PRKAB2: variants seen among roughly 807,000 people sequenced by gnomAD.
The protein encoded by PRKAB2 is 5'-AMP-activated protein kinase subunit beta-2.
PRKAB2 carries 18 observed loss-of-function variants against 29.8 expected under a neutral mutation model. The ratio of observed to expected loss-of-function variants is 0.60; its 90% CI spans 0.42 to 0.89. The LOEUF is 0.89. PRKAB2 is among the 40% of genes least tolerant of loss of function. The pLI, the probability that PRKAB2 is intolerant of heterozygous loss-of-function variation, is 0.00. For missense variants in PRKAB2, 270 were observed against 344.3 expected (o/e 0.78, Z 1.71); for synonymous variants, 136 against 125.9 (o/e 1.08, Z -0.54).
At chr1:147,167,662 G>C in intron 3 of PRKAB2, 105 bp downstream of exon 3, 1 of 1,347,778 alleles carries the variant, frequency 7.4e-7, no homozygotes, top group South Asian at 1.4e-5. Flanking sequence ...ATGTTCTAGA[G>C]ACAGTCCTTA....
rs1406014675 is a variant in PRKAB2 at position 147,158,088 on chromosome 1, A to C, written c.*1477T>G. 1 of 152,070 alleles carries C rather than the reference A, an allele frequency of 6.6e-6. No individual in the cohort carries two copies. Among genetic ancestry groups the C allele is most frequent in the Non-Finnish European group, 1.5e-5 (1 of 68,004 alleles). The allele number at this position is 152,070 out of a possible 1,614,324, so 9.4% of individuals were successfully genotyped here. A position where few individuals can be genotyped will look rare whatever the true frequency, so the allele number is the denominator to read the frequency against. On this transcript the variant is annotated 3_prime_UTR_variant, in exon 8 of 8. Transcript: ENST00000254101. ...ATTCATCAACAGTTTAGCCTCCTTT[A>C]GTGTTGATTATTTGACTTATCTGCA...
chr1:147,169,321 T>C (rs1654402176), intron 2 of PRKAB2, among the ~76,000 whole-genome samples: 2 of 151,990 alleles, frequency 1.3e-5, no homozygotes, highest in Admixed American at 6.6e-5. Context: ...CCAAAGTAAA[T>C]AGAGAAAGAG....
chr1:147,163,337 C>T (rs1553913287), intron 5 of PRKAB2, among the ~76,000 whole-genome samples: 1 of 152,208 alleles, frequency 6.6e-6, no homozygotes, highest in Non-Finnish European at 1.5e-5. Context: ...CAGCATTATA[C>T]ACTGGGTATA....
In PRKAB2 at chr1:147,171,266, C is replaced by T. The variant is rs146429917; in HGVS notation, c.156+723G>A. Among the ~76,000 whole-genome samples, 8 of 152,216 alleles carry T rather than the reference C, an allele frequency of 5.3e-5. No individual in the cohort carries two copies. The East Asian group carries it at 9.7e-4, about 18-fold the overall frequency. On this transcript the variant is annotated intron_variant, in intron 2 of 7. Transcript: ENST00000254101. ...CTGTGGGTTGTCGTTTTTTTAGCCACGCAACATTTTGAAGTACTACTGAGG... is the reference window on the plus strand; with the variant it reads ...CTGTGGGTTGTCGTTTTTTTAGCCATGCAACATTTTGAAGTACTACTGAGG...
intron 5 of PRKAB2, among the ~76,000 whole-genome samples, chr1:147,163,501 T>C (rs587773057): frequency 1.3e-5 from 2 of 152,212 alleles, no homozygotes; most frequent in Non-Finnish European, 2.9e-5. Context: ...AATGGGCTCT[T>C]ATTCAGCCAT....
At chr1:147,163,766 T>A (rs1375320563) in intron 5 of PRKAB2, among the ~76,000 whole-genome samples, 3 of 152,160 alleles carry the variant, frequency 2.0e-5, no homozygotes, top group Admixed American at 6.5e-5. Flanking sequence ...AATTAGATAG[T>A]TGTGATAATC....
intron 7 of PRKAB2, among the ~76,000 whole-genome samples, chr1:147,160,296 G>T (rs1653892100): frequency 6.6e-6 from 1 of 152,028 alleles, no homozygotes; most frequent in Admixed American, 6.5e-5. Context: ...CAATATGAGA[G>T]AATCAGGAAT....
At chr1:147,166,144 T>C (rs1464195241) in intron 5 of PRKAB2, among the ~76,000 whole-genome samples, 1 of 152,210 alleles carries the variant, frequency 6.6e-6, no homozygotes, top group African/African-American at 2.4e-5. Flanking sequence ...GTATCGCCTC[T>C]GCTGGGTAAT....
chr1:147,161,675 C>A, intron 7 of PRKAB2, 37 bp downstream of exon 7: 1 of 1,548,266 alleles, frequency 6.5e-7, no homozygotes, highest in Non-Finnish European at 8.9e-7. Flanking sequence ...ACCTCTCATT[C>A]CAGGGAGCTC....
intron 2 of PRKAB2, among the ~76,000 whole-genome samples, chr1:147,169,637 G>A (rs782588367): frequency 5.3e-5 from 8 of 152,136 alleles, no homozygotes; most frequent in Non-Finnish European, 7.4e-5. Flanking sequence ...AATAATACTT[G>A]ATATAATATC....
At chr1:147,166,672 C>T in intron 4 of PRKAB2, 54 bp from the exon 5 acceptor site, 1 of 1,598,852 alleles carries the variant, frequency 6.3e-7, no homozygotes, top group South Asian at 1.1e-5. Flanking sequence ...TCCATCTCTT[C>T]CATCCAACCT....
At chr1:147,163,408 G>T (rs1553913299) in intron 5 of PRKAB2, among the ~76,000 whole-genome samples, 1 of 152,162 alleles carries the variant, frequency 6.6e-6, no homozygotes. Flanking sequence ...GTTCATAATA[G>T]CATTATTTAT....
At position 147,166,632 on chromosome 1, in the gene PRKAB2, T is replaced by G; in HGVS notation, c.418-14A>C. 4 of 1,606,224 alleles carry G rather than the reference T, an allele frequency of 2.5e-6. No homozygotes were observed. Among genetic ancestry groups the G allele is most frequent in the Non-Finnish European group, 3.4e-6 (4 of 1,177,618 alleles). On this transcript the variant is annotated splice_polypyrimidine_tract_variant and intron_variant, in intron 4 of 7. Coordinates refer to ENST00000254101, the MANE Select transcript of PRKAB2 (RefSeq NM_005399.5). The stretch of plus-strand genomic sequence containing the variant: ...GGTAACCACAGGCTGAAACAGTGAA[T>G]AGAAAAAATTATTGAATCTCTCTTT...
chr1:147,172,187 C>A lies in PRKAB2; in HGVS notation c.-23-20G>T. On this transcript the variant is annotated intron_variant, in intron 1 of 7. Coordinates refer to ENST00000254101, the MANE Select transcript of PRKAB2 (RefSeq NM_005399.5). ...GACCACCTACCGCGGGGAACGACAC[C>A]GGGCTGGGAACACCTCAGCCGCCGC... 1 of 1,511,290 alleles carries A rather than the reference C, an allele frequency of 6.6e-7. No homozygotes were observed. The highest frequency in any genetic ancestry group is 8.8e-7 in the Non-Finnish European group (1 of 1,130,294). The allele number at this position is 1,511,290 out of a possible 1,614,324, so 93.6% of individuals were successfully genotyped here.
intron 5 of PRKAB2, among the ~76,000 whole-genome samples, chr1:147,164,185 C>T (rs1470466203): frequency 1.3e-5 from 2 of 152,102 alleles, no homozygotes; most frequent in African/African-American, 4.8e-5. Context: ...GTGATCCTCC[C>T]ACTTCGGCCT....
At position 147,166,526 on chromosome 1, in the gene PRKAB2, A is replaced by G; in HGVS notation, c.510T>C (p.Ser170=). The G allele has an allele frequency of 6.2e-7, 1 of 1,613,944 alleles. No individual in the cohort carries two copies. ...TACAAGATGTCTCAGAACTTTCCAT[A>G]GAATCTAACTTTAAAGCATCGAACA... ...FEVFDALKLD[S]MESSETSCRD... is the part of the protein sequence containing the mutation. The change falls in exon 5 of 8, where the codon TCT becomes TCC. Residue 170 remains serine (S), a synonymous_variant. Transcript: ENST00000254101.
chr1:147,166,602 T>A lies in PRKAB2; in HGVS notation c.434A>T (p.Gln145Leu). The change falls in exon 5 of 8, where the codon CAG becomes CTG. Residue 145 changes from glutamine to leucine, a missense_variant. By Grantham distance (113) the Gln-to-Leu change is moderately radical (BLOSUM62 -2). This residue lies in a region of PRKAB2 where 228 missense variants were observed against 255.5 expected (regional missense o/e 0.89). Coordinates refer to ENST00000254101, the MANE Select transcript of PRKAB2 (RefSeq NM_005399.5). ...GATCAAATTGTTAATTGTGCCAAGC[T>A]GACTGGTAACCACAGGCTGAAACAG... Reference protein sequence around the residue: ...HDPSEPVVTSQLGTINNLIHV... With the variant: ...HDPSEPVVTSLLGTINNLIHV... The A allele has an allele frequency of 6.2e-7, 1 of 1,614,076 alleles. No individual in the cohort carries two copies. Among genetic ancestry groups the A allele is most frequent in the East Asian group, 2.2e-5 (1 of 44,870 alleles).
intron 7 of PRKAB2, among the ~76,000 whole-genome samples, chr1:147,160,174 T>G (rs587612046): frequency 6.6e-6 from 1 of 152,272 alleles, no homozygotes; most frequent in African/African-American, 2.4e-5. Flanking sequence ...CCAAAAGATC[T>G]CTCTGATTTA....
At chr1:147,171,949 G>C in intron 2 of PRKAB2, 40 bp downstream of exon 2, 3 of 1,579,840 alleles carry the variant, frequency 1.9e-6, no homozygotes, top group Non-Finnish European at 2.6e-6. Flanking sequence ...AAATCAACCC[G>C]CTGCAGTACT....
Sources: allele counts gnomAD v4.1 joint callset (sites outside exome capture counted in the v4.1 genomes callset), GRCh38; gene constraint gnomAD v4.1.1; regional missense constraint gnomAD v4.1.1; transcripts MANE v1.5; gene names NCBI Gene and HGNC (gene_info 2026-07-23, HGNC 2026-07-21).